Variants in GNAL observed in about 807,000 individuals in gnomAD.
GNAL encodes guanine nucleotide-binding protein G(olf) subunit alpha.
GNAL carries 18 observed loss-of-function variants against 55.1 expected under a neutral mutation model. The observed-to-expected ratio is 0.33, with a 90% CI of 0.23 to 0.48. The LOEUF is 0.48. Ranked by LOEUF, GNAL falls within the 20% of genes least tolerant of loss-of-function variation. The pLI is 0.99. For synonymous variants in GNAL, 253 were observed against 237.0 expected (o/e 1.07, Z -0.62); for missense variants, 412 against 614.1 (o/e 0.67, Z 3.48).
At position 11,844,358 on chromosome 18, in the gene GNAL, C is replaced by T. The variant is rs574874869; in HGVS notation, c.723-18037C>T. On this transcript the variant is annotated intron_variant, in intron 5 of 11. Coordinates refer to ENST00000334049, the MANE Select transcript of GNAL (RefSeq NM_182978.4). The stretch of plus-strand genomic sequence containing the variant: ...CTGAGGCAGGAGAATCGCTTGAACC[C>T]GGGAAGCAGAGGTTGCAGTGAGCCG... Among the ~76,000 whole-genome samples the T allele has an allele frequency of 2.4e-4, 36 of 151,368 alleles. 1 individual carries two copies. Among genetic ancestry groups the T allele is most frequent in the African/African-American group, 8.5e-4 (35 of 41,206 alleles).
intron 4 of GNAL, among the ~76,000 whole-genome samples, chr18:11,781,845 T>C (rs1029659351): frequency 5.3e-5 from 8 of 152,150 alleles, no homozygotes; most frequent in Non-Finnish European, 2.9e-5. Flanking sequence ...TATTTTAAAA[T>C]CAAATTTGTT....
rs1409800613 is a variant in GNAL at position 11,689,388 on chromosome 18, G to A, written c.-176G>A. The A allele has an allele frequency of 2.2e-5, 8 of 357,074 alleles. No individual in the cohort carries two copies. The highest frequency in any genetic ancestry group is 4.0e-5 in the Non-Finnish European group (8 of 200,060). 22.1% of individuals were successfully genotyped at this position (357,074 alleles called of 1,614,324 possible). On this transcript the variant is annotated 5_prime_UTR_variant, in exon 1 of 12. Coordinates refer to ENST00000334049, the MANE Select transcript of GNAL (RefSeq NM_182978.4). ...GTGAGGGGCTGTGGCCCTCGGCCCC[G>A]GCCTGCCGCACCCCCTTCCCGCAGC...
intron 8 of GNAL, among the ~76,000 whole-genome samples, chr18:11,867,446 A>G (rs1478686189): frequency 2.6e-5 from 4 of 152,024 alleles, no homozygotes; most frequent in African/African-American, 9.7e-5. Context: ...TGGGAGGCCA[A>G]GGAGGGCGGA....
In GNAL at chr18:11,751,802, GGCCGCCCCCAAA is replaced by G. The variant is rs1271719468; in HGVS notation, c.377-1047_377-1036del. ...CCGAGAGCTCCGGGACCAGCGGCCCGGCCGCCCCCAAAGCCAGCCTCCCTCTCCCTTCCCCGC... is the reference window on the plus strand; with the variant it reads ...CCGAGAGCTCCGGGACCAGCGGCCCGGCCAGCCTCCCTCTCCCTTCCCCGC... On this transcript the variant is annotated intron_variant, in intron 1 of 11. Transcript: ENST00000334049. The surrounding 1 kb of genome is among the most constrained non-coding windows in gnomAD (Gnocchi z 4.5). 3.0e-6 allele frequency: 1 copy of G among 329,154 alleles called. No homozygotes were observed. Among genetic ancestry groups the G allele is most frequent in the Non-Finnish European group, 4.3e-6 (1 of 229,916 alleles). The allele number at this position is 329,154 out of a possible 1,614,324, so 20.4% of individuals were successfully genotyped here.
chr18:11,834,405 T>C (rs1323816444), intron 5 of GNAL, among the ~76,000 whole-genome samples: 1 of 152,130 alleles, frequency 6.6e-6, no homozygotes, highest in African/African-American at 2.4e-5. Context: ...GATGTAGAAA[T>C]GTGAAAAGGA....
intron 10 of GNAL, among the ~76,000 whole-genome samples, chr18:11,872,728 C>T (rs2036425036): frequency 6.6e-6 from 1 of 152,176 alleles, no homozygotes. Context: ...CTTGTTAGTC[C>T]TTGATACAGA....
intron 4 of GNAL, among the ~76,000 whole-genome samples, chr18:11,768,181 A>G (rs1390330188): frequency 1.3e-5 from 2 of 152,236 alleles, no homozygotes; most frequent in Non-Finnish European, 2.9e-5. Flanking sequence ...ATGCTCAGTA[A>G]ATGTACATAA....
intron 1 of GNAL, chr18:11,747,624 TGGATAGGGGTACTG>T (rs2032718171): frequency 6.9e-6 from 1 of 145,200 alleles, no homozygotes; most frequent in Admixed American, 6.9e-5. Flanking sequence ...GTACTGGGGA[TGGATAGGGGTACTG>T]GGGATGGATA....
intron 9 of GNAL, among the ~76,000 whole-genome samples, chr18:11,869,955 T>C (rs2036357029): frequency 6.6e-6 from 1 of 151,982 alleles, no homozygotes; most frequent in South Asian, 2.1e-4. Flanking sequence ...ATAAAAAAAT[T>C]GACTAAAAAT....
intron 1 of GNAL, among the ~76,000 whole-genome samples, chr18:11,739,498 AC>A (rs1274889249): frequency 6.6e-6 from 1 of 152,036 alleles, no homozygotes; most frequent in East Asian, 1.9e-4. Context: ...AGTGTGTCTG[AC>A]CCGTCATCAT....
intron 1 of GNAL, among the ~76,000 whole-genome samples, chr18:11,718,527 C>A (rs1343764310): frequency 6.6e-6 from 1 of 152,094 alleles, no homozygotes; most frequent in Non-Finnish European, 1.5e-5. Context: ...TTATGAAAGA[C>A]CTCTCAACAT....
chr18:11,777,744 TCAACCTACCCGGAAGAGCAGA>T (rs2143328764), intron 4 of GNAL, among the ~76,000 whole-genome samples: 1 of 152,316 alleles, frequency 6.6e-6, no homozygotes, highest in African/African-American at 2.4e-5. Context: ...GTTTGGAATT[TCAACCTACCCGGAAGAGCAGA>T]CCCTCGCCTA....
At chr18:11,802,133 T>G (rs1048616187) in intron 4 of GNAL, among the ~76,000 whole-genome samples, 5 of 152,094 alleles carry the variant, frequency 3.3e-5, no homozygotes, top group Non-Finnish European at 7.4e-5. Context: ...TCTTTATATT[T>G]AGAGTCAAGT....
intron 4 of GNAL, among the ~76,000 whole-genome samples, chr18:11,792,532 T>C (rs1041026582): frequency 1.3e-5 from 2 of 152,206 alleles, no homozygotes; most frequent in Non-Finnish European, 2.9e-5. Flanking sequence ...AGCCATAGTC[T>C]CCCTACTGAA....
chr18:11,783,213 C>T (rs2033967438), intron 4 of GNAL, among the ~76,000 whole-genome samples: 1 of 152,148 alleles, frequency 6.6e-6, no homozygotes, highest in African/African-American at 2.4e-5. Flanking sequence ...GAGTGTGAAA[C>T]AAGGCTGCTC....
intron 4 of GNAL, among the ~76,000 whole-genome samples, chr18:11,797,120 C>T (rs559745190): frequency 7.9e-5 from 12 of 152,202 alleles, no homozygotes; most frequent in South Asian, 2.1e-4. Flanking sequence ...TTAGTAAAGA[C>T]GGGTTTTCGC....
intron 1 of GNAL, among the ~76,000 whole-genome samples, chr18:11,703,818 C>T (rs2031641157): frequency 6.6e-6 from 1 of 151,678 alleles, no homozygotes; most frequent in East Asian, 1.9e-4. Context: ...CACACACACA[C>T]ACACACACAC....
intron 4 of GNAL, among the ~76,000 whole-genome samples, chr18:11,767,173 T>G (rs994793616): frequency 2.6e-5 from 4 of 151,990 alleles, no homozygotes; most frequent in African/African-American, 9.7e-5. Flanking sequence ...GCTTGCACAC[T>G]TGCTCTCTGT....
At chr18:11,744,110 A>G (rs1313068692) in intron 1 of GNAL, among the ~76,000 whole-genome samples, 5 of 152,290 alleles carry the variant, frequency 3.3e-5, no homozygotes, top group African/African-American at 1.2e-4. Flanking sequence ...CTTTAGTGGC[A>G]CTGGATATTT....
Sources: gnomAD v4.1 joint callset for allele counts (sites outside exome capture counted in the v4.1 genomes callset) on GRCh38, gnomAD v4.1.1 for gene constraint, Gnocchi (gnomAD v3.1) non-coding constraint, MANE v1.5 for transcripts, NCBI Gene and HGNC (gene_info 2026-07-23, HGNC 2026-07-21) for gene names.